The following ARHGEF7 variants were observed in gnomAD, a reference collection of about 807,000 sequenced individuals.
ARHGEF7 encodes Rho guanine nucleotide exchange factor 7, also known as PAK-interacting exchange factor beta.
A neutral mutation model predicts 109.8 loss-of-function variants in ARHGEF7; 33 were observed. The ratio of observed to expected loss-of-function variants is 0.30; its 90% confidence interval spans 0.23 to 0.40. The LOEUF (loss-of-function observed/expected upper bound fraction) is 0.40, where lower values mean the gene tolerates loss of function less well. Among genes scored for constraint, ARHGEF7 ranks in the 10% least tolerant of loss-of-function variants. The pLI is 1.00. For missense variants in ARHGEF7, 938 were observed against 1,098.5 expected, an observed-to-expected ratio of 0.85 and a Z score of 2.07; for synonymous variants, 458 against 424.6, an observed-to-expected ratio of 1.08 and a Z score of -0.97.
intron 19 of ARHGEF7, among the ~76,000 whole-genome samples, chr13:111,300,086 A>G (rs545065114): frequency 4.6e-5 from 7 of 152,172 alleles, no homozygotes; most frequent in Admixed American, 6.5e-5. Context: ...CCTAATTTCT[A>G]AAGTACATAT....
Position 111,131,651 on chromosome 13 carries a change from G to A in ARHGEF7, c.165+15960G>A, listed in dbSNP as rs2074759719. ...TGAAGAGAGAAACTAAGGCAGGGTGGTCAGAGGCCATTAGGAGACGGGCAG... is the reference window on the plus strand; with the variant it reads ...TGAAGAGAGAAACTAAGGCAGGGTGATCAGAGGCCATTAGGAGACGGGCAG... On this transcript the variant is annotated intron_variant, in intron 1 of 21. Transcript: ENST00000646102. The surrounding 1 kb of genome is among the most constrained non-coding windows in gnomAD (Gnocchi z 4.4). Among the ~76,000 whole-genome samples the A allele has an allele frequency of 6.6e-6, 1 of 152,220 alleles. No homozygotes were observed. The highest frequency in any genetic ancestry group is 2.4e-5 in the African/African-American group (1 of 41,442).
intron 4 of ARHGEF7, among the ~76,000 whole-genome samples, chr13:111,212,454 CTGG>C (rs1318598370): frequency 6.6e-6 from 1 of 152,178 alleles, no homozygotes; most frequent in Non-Finnish European, 1.5e-5. Flanking sequence ...GCTGGAATTC[CTGG>C]TGACTGCTGT....
At chr13:111,117,451 C>T (rs1278507379) in intron 1 of ARHGEF7, among the ~76,000 whole-genome samples, 1 of 152,188 alleles carries the variant, frequency 6.6e-6, no homozygotes, top group Non-Finnish European at 1.5e-5. Flanking sequence ...TTTGATTCCC[C>T]CTGAGCTCCA....
At chr13:111,137,416 G>A (rs2075136691) in intron 1 of ARHGEF7, among the ~76,000 whole-genome samples, 1 of 152,240 alleles carries the variant, frequency 6.6e-6, no homozygotes, top group Non-Finnish European at 1.5e-5. Flanking sequence ...AGGCCACGGT[G>A]TCCTCACCTG....
intron 1 of ARHGEF7, among the ~76,000 whole-genome samples, chr13:111,126,505 G>C (rs1018664008): frequency 4.0e-5 from 6 of 148,806 alleles, no homozygotes; most frequent in Non-Finnish European, 7.4e-5. Flanking sequence ...AAAAAAAAAA[G>C]CCTTTAACAA....
At chr13:111,143,655 A>G (rs1341151375) in intron 1 of ARHGEF7, 1 of 152,212 alleles carries the variant, frequency 6.6e-6, no homozygotes, top group Non-Finnish European at 1.5e-5. Flanking sequence ...GAGTTGTCTT[A>G]TGAATCTGTA....
At chr13:111,290,601 G>C (rs1295484198) in intron 18 of ARHGEF7, among the ~76,000 whole-genome samples, 1 of 152,232 alleles carries the variant, frequency 6.6e-6, no homozygotes, top group Non-Finnish European at 1.5e-5. Context: ...CCAGGGTCCT[G>C]TGATACGCTG....
intron 2 of ARHGEF7, among the ~76,000 whole-genome samples, chr13:111,204,060 G>A (rs1001064202): frequency 6.6e-6 from 1 of 152,162 alleles, no homozygotes; most frequent in Non-Finnish European, 1.5e-5. Context: ...TGTTCTGGGG[G>A]AGCCTGGCTG....
At chr13:111,186,906 C>G (rs2079319095) in intron 2 of ARHGEF7, 3 of 985,502 alleles carry the variant, frequency 3.0e-6, no homozygotes, top group Non-Finnish European at 3.6e-6. Context: ...TCCCCATTTC[C>G]CGGTCTGGTC....
chr13:111,201,916 C>T (rs1260969726), intron 2 of ARHGEF7, among the ~76,000 whole-genome samples: 1 of 152,212 alleles, frequency 6.6e-6, no homozygotes, highest in Non-Finnish European at 1.5e-5. Flanking sequence ...TGTTTGAATA[C>T]TCTGGGCTTC....
chr13:111,227,387 G>A (rs188332019), intron 5 of ARHGEF7, among the ~76,000 whole-genome samples: 4 of 152,208 alleles, frequency 2.6e-5, no homozygotes, highest in Non-Finnish European at 4.4e-5. Context: ...CATAGCCACC[G>A]CAGCCTTCTG....
intron 8 of ARHGEF7, among the ~76,000 whole-genome samples, chr13:111,267,151 T>C (rs2091720604): frequency 6.6e-6 from 1 of 152,236 alleles, no homozygotes; most frequent in African/African-American, 2.4e-5. Flanking sequence ...AAGGCGGTTT[T>C]TGTATTTTTT....
intron 8 of ARHGEF7, among the ~76,000 whole-genome samples, chr13:111,245,107 G>A (rs971133439): frequency 6.6e-5 from 10 of 152,052 alleles, no homozygotes; most frequent in African/African-American, 2.2e-4. Context: ...AGAAGAATTG[G>A]GCCCTTCCTG....
At chr13:111,225,440 A>G (rs2085065938) in intron 5 of ARHGEF7, among the ~76,000 whole-genome samples, 1 of 151,566 alleles carries the variant, frequency 6.6e-6, no homozygotes, top group Admixed American at 6.6e-5. Context: ...GCAACTCTTC[A>G]CAGTATGCAG....
intron 2 of ARHGEF7, among the ~76,000 whole-genome samples, chr13:111,205,080 C>T (rs148016737): frequency 0.011 from 1,677 of 151,788 alleles, 14 homozygotes; most frequent in Non-Finnish European, 0.016. Context: ...GGCCTAATGC[C>T]GAGGGGGGAC....
In ARHGEF7 at chr13:111,160,317, A is replaced by G. The variant is rs762801088; in HGVS notation, c.252+6326A>G. 6.0e-5 allele frequency among the ~76,000 whole-genome samples: 9 copies of G among 150,302 alleles called. No individual in the cohort carries two copies. The South Asian group carries it at 1.5e-3, about 24-fold the overall frequency. ...CCAGCTTTGTTCTTTTTACTCAAGA[A>G]TGCTTTAGTTATTGGGGTTTTTTTT... On this transcript the variant is annotated intron_variant, in intron 2 of 21. Coordinates refer to ENST00000646102, the MANE Select transcript of ARHGEF7 (RefSeq NM_001354046.2).
intron 1 of ARHGEF7, among the ~76,000 whole-genome samples, chr13:111,130,593 GT>G (rs1294158888): frequency 6.6e-6 from 1 of 152,190 alleles, no homozygotes. Context: ...TCTTTACTAT[GT>G]TCCAAGGATA....
At chr13:111,207,893 T>C (rs1358274533) in intron 3 of ARHGEF7, among the ~76,000 whole-genome samples, 1 of 152,222 alleles carries the variant, frequency 6.6e-6, no homozygotes, top group African/African-American at 2.4e-5. Context: ...AGCTTTGTTC[T>C]TTACAAAGAC....
chr13:111,209,762 C>A, intron 3 of ARHGEF7, 110 bp from the exon 4 acceptor site: 1 of 1,296,676 alleles, frequency 7.7e-7, no homozygotes, highest in Non-Finnish European at 1.0e-6. Flanking sequence ...TTGTTGTGGT[C>A]TTTTGGTGTG....
Sources: gnomAD v4.1 joint callset for allele counts (sites outside exome capture counted in the v4.1 genomes callset) on GRCh38, gnomAD v4.1.1 for gene constraint, Gnocchi (gnomAD v3.1) non-coding constraint, MANE v1.5 for transcripts, NCBI Gene and HGNC (gene_info 2026-07-23, HGNC 2026-07-21) for gene names.